CSMD1: variants seen among roughly 807,000 people sequenced by gnomAD.
The protein encoded by CSMD1 is CUB and Sushi multiple domains 1.
In CSMD1, 213 loss-of-function variants were observed where a neutral mutation model predicts 417.5. That is an observed-to-expected ratio of 0.51 (90% CI 0.46 to 0.57). The LOEUF (loss-of-function observed/expected upper bound fraction) is 0.57. Ranked by LOEUF, CSMD1 falls within the 20% of genes least tolerant of loss-of-function variation. The pLI, the probability that CSMD1 is intolerant of heterozygous loss-of-function variation, is 0.00. For synonymous variants in CSMD1, 2,862 were observed against 1,736.8 expected (o/e 1.65, Z -16.11); for missense variants, 6,923 against 4,529.7 (o/e 1.53, Z -15.17).
chr8:4,488,320 G>A (rs1035552175), intron 2 of CSMD1, among the ~76,000 whole-genome samples: 4 of 152,082 alleles, frequency 2.6e-5, no homozygotes, highest in Non-Finnish European at 5.9e-5. Flanking sequence ...GTTAACATGT[G>A]TAAAGTGCTT....
At chr8:4,017,158 A>G (rs1473748106) in intron 4 of CSMD1, among the ~76,000 whole-genome samples, 1 of 152,042 alleles carries the variant, frequency 6.6e-6, no homozygotes, top group Non-Finnish European at 1.5e-5. Flanking sequence ...CCTGCAATAC[A>G]CTTTTGTGTA....
At chr8:4,775,054 T>C (rs978582900) in intron 1 of CSMD1, among the ~76,000 whole-genome samples, 9 of 152,108 alleles carry the variant, frequency 5.9e-5, no homozygotes, top group Non-Finnish European at 1.3e-4. Context: ...AATCAAGATA[T>C]ACAAGAGCAA....
Position 3,329,820 on chromosome 8 carries a change from G to C in CSMD1, c.3631+13474C>G, listed in dbSNP as rs545151692. ...TGCCTTCTCTCCTTGTCTGCTAGGG[G>C]CTAACTTACTTGCTAGGGGCACAGG... On this transcript the variant is annotated intron_variant, in intron 23 of 69. Transcript: ENST00000635120. 9.2e-5 allele frequency among the ~76,000 whole-genome samples: 14 copies of C among 152,288 alleles called. No homozygotes were observed. In the East Asian group the frequency reaches 2.7e-3, roughly 29 times the overall value.
chr8:3,179,811 G>A (rs573540296), intron 37 of CSMD1, among the ~76,000 whole-genome samples: 3 of 152,272 alleles, frequency 2.0e-5, no homozygotes, highest in African/African-American at 7.2e-5. Context: ...TCCTACATAA[G>A]TAACATCCAC....
At chr8:4,601,982 T>C (rs1300926950) in intron 2 of CSMD1, among the ~76,000 whole-genome samples, 2 of 152,158 alleles carry the variant, frequency 1.3e-5, no homozygotes, top group South Asian at 2.1e-4. Context: ...GCAACTGTAC[T>C]CTCTGAAAGC....
intron 3 of CSMD1, among the ~76,000 whole-genome samples, chr8:4,056,467 A>C (rs1358703719): frequency 6.6e-6 from 1 of 151,578 alleles, no homozygotes; most frequent in East Asian, 1.9e-4. Context: ...TAAAATACAC[A>C]AATAGTTTCC....
At chr8:4,451,393 G>T (rs1016587016) in intron 2 of CSMD1, among the ~76,000 whole-genome samples, 51 of 152,116 alleles carry the variant, frequency 3.4e-4, no homozygotes, top group African/African-American at 1.2e-3. Flanking sequence ...GATAATTATT[G>T]AACATGTGCT....
intron 5 of CSMD1, among the ~76,000 whole-genome samples, chr8:3,843,392 G>T (rs1232742818): frequency 2.0e-5 from 3 of 152,100 alleles, no homozygotes; most frequent in African/African-American, 7.2e-5. Context: ...TATAAGCAAA[G>T]ATATTTCAGA....
chr8:3,762,931 CAG>C (rs1007171954), intron 5 of CSMD1, among the ~76,000 whole-genome samples: 1 of 151,628 alleles, frequency 6.6e-6, no homozygotes, highest in Non-Finnish European at 1.5e-5. Flanking sequence ...CTACGCCCCA[CAG>C]AGTGTTCTTT....
At chr8:4,625,987 G>C (rs1175513426) in intron 2 of CSMD1, among the ~76,000 whole-genome samples, 1 of 152,154 alleles carries the variant, frequency 6.6e-6, no homozygotes, top group Admixed American at 6.5e-5. Flanking sequence ...GTCTCCCAAA[G>C]TGCTGGGATT....
chr8:3,395,111 C>G (rs1031946507), intron 17 of CSMD1, among the ~76,000 whole-genome samples: 1 of 151,956 alleles, frequency 6.6e-6, no homozygotes, highest in East Asian at 1.9e-4. Flanking sequence ...GGCAAGAAAA[C>G]GAACAAAAGG....
chr8:2,977,023 C>A (rs966099252), intron 55 of CSMD1, among the ~76,000 whole-genome samples: 3 of 150,386 alleles, frequency 2.0e-5, no homozygotes, highest in Non-Finnish European at 4.4e-5. Flanking sequence ...AATTCACAAG[C>A]CAATTACTAT....
intron 5 of CSMD1, among the ~76,000 whole-genome samples, chr8:3,868,524 C>A (rs913075309): frequency 6.6e-6 from 1 of 152,108 alleles, no homozygotes; most frequent in African/African-American, 2.4e-5. Context: ...ACCACCAATT[C>A]CCAAATGCGT....
intron 1 of CSMD1, among the ~76,000 whole-genome samples, chr8:4,794,161 T>A (rs1009768692): frequency 6.6e-6 from 1 of 152,218 alleles, no homozygotes; most frequent in Non-Finnish European, 1.5e-5. Flanking sequence ...AAACTCAATA[T>A]TGTTCTCTTC....
chr8:3,149,421 G>C (rs957967008), intron 40 of CSMD1, among the ~76,000 whole-genome samples: 2 of 152,078 alleles, frequency 1.3e-5, no homozygotes, highest in African/African-American at 4.8e-5. Flanking sequence ...TGTTGTTGTT[G>C]TTGTTGTTTA....
At chr8:4,603,583 G>C (rs562823175) in intron 2 of CSMD1, among the ~76,000 whole-genome samples, 95 of 152,200 alleles carry the variant, frequency 6.2e-4, no homozygotes, top group African/African-American at 2.1e-3. Context: ...ATTTCATTTA[G>C]CTAGCTTTGC....
chr8:4,448,748 G>A (rs1798961745), intron 2 of CSMD1, among the ~76,000 whole-genome samples: 1 of 152,096 alleles, frequency 6.6e-6, no homozygotes, highest in Non-Finnish European at 1.5e-5. Context: ...TTTTCTGAAT[G>A]ACATAATGAC....
intron 4 of CSMD1, among the ~76,000 whole-genome samples, chr8:4,013,097 G>C (rs1796356828): frequency 6.6e-6 from 1 of 152,016 alleles, no homozygotes. Context: ...CTCAAATGCT[G>C]TGTCACACGA....
intron 5 of CSMD1, among the ~76,000 whole-genome samples, chr8:3,993,435 T>G (rs1398634459): frequency 6.6e-6 from 1 of 152,186 alleles, no homozygotes; most frequent in Non-Finnish European, 1.5e-5. Flanking sequence ...AAGCATTAAC[T>G]GACCCATTCA....
Sources: gnomAD v4.1 joint callset for allele counts (sites outside exome capture counted in the v4.1 genomes callset) on GRCh38, gnomAD v4.1.1 for gene constraint, MANE v1.5 for transcripts, NCBI Gene and HGNC (gene_info 2026-07-23, HGNC 2026-07-21) for gene names.